Variants in UBE3C observed in about 807,000 individuals in gnomAD.
UBE3C encodes ubiquitin protein ligase E3C.
In UBE3C, 42 loss-of-function variants were observed where a neutral mutation model predicts 129.4. That is an observed-to-expected ratio of 0.32 (90% confidence interval 0.25 to 0.42). The LOEUF is 0.42. Among genes scored for constraint, UBE3C ranks in the 10% least tolerant of loss-of-function variants. The pLI, the probability that UBE3C is intolerant of heterozygous loss-of-function variation, is 1.00. For synonymous variants in UBE3C, 510 were observed against 492.4 expected, an observed-to-expected ratio of 1.04 and a Z score of -0.47; for missense variants, 1,049 against 1,319.1, an observed-to-expected ratio of 0.80 and a Z score of 3.17.
Position 157,170,361 on chromosome 7 carries a change from G to T in UBE3C, c.253G>T (p.Ala85Ser), listed in dbSNP as rs771252696. 6.3e-7 allele frequency: 1 copy of T among 1,576,832 alleles called. No individual in the cohort carries two copies. Among genetic ancestry groups the T allele is most frequent in the Non-Finnish European group, 8.6e-7 (1 of 1,164,550 alleles). ...TGCTACCTTGTCACAGTCCGGGGGC[G>T]CTTTTCCCATTGCTAATGGCCCCAA... ...RCATLSQSGG[A>S]FPIANGPNLT... Residue 85 changes from alanine to serine, a missense_variant, in exon 4 of 23, where the codon GCT becomes TCT. By Grantham distance (99) the Ala-to-Ser change is moderately conservative. Coordinates refer to ENST00000348165, the MANE Select transcript of UBE3C (RefSeq NM_014671.3).
intron 18 of UBE3C, among the ~76,000 whole-genome samples, chr7:157,246,004 A>G (rs1231675099): frequency 1.3e-5 from 2 of 151,882 alleles, no homozygotes; most frequent in Non-Finnish European, 2.9e-5. Context: ...AAAAAAAAAA[A>G]AAAAAAAAAA....
intron 11 of UBE3C, among the ~76,000 whole-genome samples, chr7:157,205,708 G>A (rs1305035646): frequency 6.6e-6 from 1 of 152,196 alleles, no homozygotes; most frequent in Non-Finnish European, 1.5e-5. Flanking sequence ...TGATGAATCT[G>A]TTCAGCATAG....
At chr7:157,219,787 T>A (rs1389689076) in intron 14 of UBE3C, among the ~76,000 whole-genome samples, 3 of 151,876 alleles carry the variant, frequency 2.0e-5, no homozygotes, top group African/African-American at 7.3e-5. Flanking sequence ...TAATCCCAGC[T>A]ACTTGGGAGC....
chr7:157,221,053 T>C, intron 15 of UBE3C: 1 of 320,262 alleles, frequency 3.1e-6, no homozygotes, highest in Non-Finnish European at 6.0e-6. Flanking sequence ...TCCTGGCTCC[T>C]TTTGGTCAGC....
intron 4 of UBE3C, among the ~76,000 whole-genome samples, chr7:157,170,815 A>C (rs938723404): frequency 2.0e-5 from 3 of 152,142 alleles, no homozygotes; most frequent in Non-Finnish European, 2.9e-5. Flanking sequence ...GATTACTTGC[A>C]AACTCTAAAA....
intron 1 of UBE3C, among the ~76,000 whole-genome samples, chr7:157,141,570 T>C (rs1807450773): frequency 6.6e-6 from 1 of 152,176 alleles, no homozygotes; most frequent in African/African-American, 2.4e-5. Flanking sequence ...CAATGGTGAG[T>C]GTCTGTGCAT....
At chr7:157,169,253 G>C (rs1808300161) in intron 3 of UBE3C, 131 bp downstream of exon 3, 2 of 619,196 alleles carry the variant, frequency 3.2e-6, no homozygotes, top group Admixed American at 6.5e-5. Flanking sequence ...AATTTTATTT[G>C]TTCTAATTAT....
chr7:157,232,785 A>C (rs1370184536), intron 18 of UBE3C, among the ~76,000 whole-genome samples: 2 of 152,218 alleles, frequency 1.3e-5, no homozygotes, highest in African/African-American at 4.8e-5. Flanking sequence ...GTTTTCCGAG[A>C]AGCATAGTGC....
At chr7:157,190,896 A>G (rs1386425124) in intron 10 of UBE3C, among the ~76,000 whole-genome samples, 1 of 152,180 alleles carries the variant, frequency 6.6e-6, no homozygotes, top group African/African-American at 2.4e-5. Flanking sequence ...TTATGCCTCC[A>G]TGGTGTTTCG....
chr7:157,239,437 G>T (rs1183174872), intron 18 of UBE3C, among the ~76,000 whole-genome samples: 1 of 152,172 alleles, frequency 6.6e-6, no homozygotes, highest in African/African-American at 2.4e-5. Flanking sequence ...CTCCTGGGAG[G>T]GTAACACTGG....
intron 22 of UBE3C, among the ~76,000 whole-genome samples, chr7:157,260,729 T>C (rs570798891): frequency 8.5e-5 from 13 of 152,294 alleles, no homozygotes; most frequent in Non-Finnish European, 1.5e-4. Context: ...GAGGACCTGC[T>C]CCCATCAAAA....
chr7:157,246,977 A>G (rs1584818831), intron 18 of UBE3C, among the ~76,000 whole-genome samples: 1 of 151,804 alleles, frequency 6.6e-6, no homozygotes, highest in Admixed American at 6.6e-5. Context: ...TGCAACCTCC[A>G]CCTCCCGGGT....
rs1256704847 is a variant in UBE3C at position 157,138,926 on chromosome 7, G to A, written c.-347G>A. 1 of 151,440 alleles carries A rather than the reference G, an allele frequency of 6.6e-6. No individual in the cohort carries two copies. The highest frequency in any genetic ancestry group is 2.4e-5 in the African/African-American group (1 of 41,286). 9.4% of individuals were successfully genotyped at this position (151,440 alleles called of 1,614,324 possible). ...GGGCCGCGCACGTCTGCAGGGCCGC[G>A]CACGCACTGACGGCTGACCGCCATC... On this transcript the variant is annotated 5_prime_UTR_variant, in exon 1 of 23. Coordinates refer to ENST00000348165, the MANE Select transcript of UBE3C (RefSeq NM_014671.3).
rs11436417 is a variant in UBE3C at position 157,257,742 on chromosome 7, CAAAAAA to C, written c.3081+714_3081+719del. 1.7e-4 allele frequency among the ~76,000 whole-genome samples: 16 copies of C among 95,504 alleles called. No individual in the cohort carries two copies. In the Middle Eastern group the frequency reaches 0.019, roughly 112 times the overall value. The allele number at this position is 95,504 out of a possible 152,430, so 62.7% of individuals were successfully genotyped here. On this transcript the variant is annotated intron_variant, in intron 22 of 22. Transcript: ENST00000348165. ...GGGTGACAGAGTGAGACCCTGTCTC[CAAAAAA>C]AAAAAAAAAAAAAAATTGCCTCAGG...
intron 5 of UBE3C, 103 bp downstream of exon 5, chr7:157,175,137 C>CT (rs56852731): frequency 0.065 from 16,230 of 251,044 alleles, 99 homozygotes; most frequent in Middle Eastern, 0.085. Flanking sequence ...CTTTTCCATA[C>CT]TTTTTTTTTT....
chr7:157,169,844 C>T (rs1006209904), intron 3 of UBE3C, among the ~76,000 whole-genome samples: 5 of 152,128 alleles, frequency 3.3e-5, no homozygotes, highest in African/African-American at 1.2e-4. Context: ...CCACAGCTGG[C>T]TAAATGTTTT....
intron 8 of UBE3C, among the ~76,000 whole-genome samples, chr7:157,183,408 C>T (rs1415686028): frequency 6.6e-6 from 1 of 152,150 alleles, no homozygotes; most frequent in African/African-American, 2.4e-5. Flanking sequence ...TCCATGCCTT[C>T]TCCAGGCACT....
chr7:157,154,767 CAGA>C lies in UBE3C; in HGVS notation c.67-9040_67-9038del, dbSNP rs971995146. 2.6e-4 allele frequency among the ~76,000 whole-genome samples: 40 copies of C among 152,210 alleles called. No individual in the cohort carries two copies. The East Asian group carries it at 5.8e-3, about 22-fold the overall frequency. On this transcript the variant is annotated intron_variant, in intron 1 of 22. Coordinates refer to ENST00000348165, the MANE Select transcript of UBE3C (RefSeq NM_014671.3). ...TCATTTTTTCTCTAGTCAAGTGAAG[CAGA>C]AGGAGTGGAGAAGGAACAAAGAAAT... is the stretch of plus-strand genomic sequence containing the variant.
rs750535497 is a variant in UBE3C at position 157,181,579 on chromosome 7, T to G, written c.678T>G (p.Ser226=). Residue 226 remains serine (S), a synonymous_variant, in exon 7 of 23, where the codon TCT becomes TCG. Transcript: ENST00000348165. Reference sequence around the variant, plus strand: ...AGCTTCCATCAAGTATTGAATATTCTGATTTATCTCGAGTTCCTATAGCAA... The same window carrying G: ...AGCTTCCATCAAGTATTGAATATTCGGATTTATCTCGAGTTCCTATAGCAA... The part of the protein sequence containing the change: ...NSKLPSSIEY[S]DLSRVPIAKI... 1.2e-5 allele frequency: 19 copies of G among 1,613,780 alleles called. No individual in the cohort carries two copies. In the South Asian group the frequency reaches 1.5e-4, roughly 13 times the overall value.
Sources: allele counts gnomAD v4.1 joint callset (sites outside exome capture counted in the v4.1 genomes callset), GRCh38; gene constraint gnomAD v4.1.1; transcripts MANE v1.5; gene names NCBI Gene and HGNC (gene_info 2026-07-23, HGNC 2026-07-21).